ACACB: variants seen among roughly 807,000 people sequenced by gnomAD.
The protein encoded by ACACB is acetyl-CoA carboxylase beta, also known as acetyl-CoA carboxylase 2.
Under a neutral mutation model 278.8 loss-of-function variants are expected in ACACB, and 209 were observed. The observed-to-expected ratio is 0.75, with a 90% CI of 0.67 to 0.84. The LOEUF is 0.84. ACACB is among the 40% of genes least tolerant of loss of function. The pLI is 0.00. For missense variants in ACACB, 2,850 were observed against 3,269.0 expected (o/e 0.87, Z 3.13); for synonymous variants, 1,174 against 1,285.6 (o/e 0.91, Z 1.86).
In ACACB at chr12:109,210,201, A is replaced by ATATATACACATGTGTG. The variant is rs1565927021; in HGVS notation, c.3249+853_3249+854insACACATGTGTGTATAT. 4.4e-4 allele frequency among the ~76,000 whole-genome samples: 6 copies of ATATATACACATGTGTG among 13,584 alleles called. 1 individual carries two copies. The highest frequency in any genetic ancestry group is 1.6e-3 in the East Asian group (1 of 634). The allele number at this position is 13,584 out of a possible 152,430, so 8.9% of individuals were successfully genotyped here. A position where few individuals can be genotyped will look rare whatever the true frequency, so the allele number is the denominator to read the frequency against. Reference sequence around the variant, plus strand: ...TATATATACACACGTGTGTATATGTATATATGTATATATACACACATGTGT... The same window carrying ATATATACACATGTGTG: ...TATATATACACACGTGTGTATATGTATATATACACATGTGTGTATATGTATATATACACACATGTGT... On this transcript the variant is annotated intron_variant, in intron 21 of 52. Coordinates refer to ENST00000338432, the MANE Select transcript of ACACB (RefSeq NM_001093.4).
Position 109,171,984 on chromosome 12 carries a change from C to T in ACACB, c.1035+70C>T. ...GATGCCCCTAGGTTCTAGTTCAATT[C>T]CACAGTTCACAAGGGGTGGAGGGTC... is the stretch of plus-strand genomic sequence containing the variant. On this transcript the variant is annotated intron_variant, in intron 5 of 52. Coordinates refer to ENST00000338432, the MANE Select transcript of ACACB (RefSeq NM_001093.4). 2.3e-6 allele frequency: 3 copies of T among 1,308,314 alleles called. No individual in the cohort carries two copies. In the South Asian group the frequency reaches 3.7e-5, roughly 16 times the overall value. The allele number at this position is 1,308,314 out of a possible 1,614,324, so 81.0% of individuals were successfully genotyped here. A position where few individuals can be genotyped will look rare whatever the true frequency, so the allele number is the denominator to read the frequency against.
At chr12:109,249,325 G>C (rs2047033625) in intron 40 of ACACB, 1 of 152,134 alleles carries the variant, frequency 6.6e-6, no homozygotes, top group African/African-American at 2.4e-5. Flanking sequence ...GGACATAGAG[G>C]AACTACCTGT....
chr12:109,208,578 A>C (rs955369362), intron 20 of ACACB, among the ~76,000 whole-genome samples: 2 of 152,102 alleles, frequency 1.3e-5, no homozygotes, highest in Non-Finnish European at 2.9e-5. Context: ...CCTCACAACC[A>C]CACTAGGATG....
At chr12:109,160,182 G>A (rs1340701126) in intron 2 of ACACB, among the ~76,000 whole-genome samples, 1 of 151,716 alleles carries the variant, frequency 6.6e-6, no homozygotes, top group Non-Finnish European at 1.5e-5. Flanking sequence ...GGCCATATGT[G>A]TAATGCATGT....
At chr12:109,258,011 C>G (rs920908918) in intron 45 of ACACB, among the ~76,000 whole-genome samples, 1 of 152,226 alleles carries the variant, frequency 6.6e-6, no homozygotes, top group Non-Finnish European at 1.5e-5. Context: ...ACAGAAAGTT[C>G]TAGTGGTTCA....
intron 19 of ACACB, among the ~76,000 whole-genome samples, chr12:109,205,653 C>T (rs2045481716): frequency 6.6e-6 from 1 of 151,858 alleles, no homozygotes; most frequent in Admixed American, 6.6e-5. Context: ...GGGGTTTCAC[C>T]ATGTTGGCCA....
At position 109,250,026 on chromosome 12, in the gene ACACB, C is replaced by T. The variant is rs777086074; in HGVS notation, c.5712C>T (p.Gly1904=). ...TCATCGGGAAGGATGATGGCTTGGG[C>T]GTGGAGAATCTGAGGGGCTCAGGCA... ...TDIIGKDDGL[G]VENLRGSGMI... Residue 1904 remains glycine, a synonymous_variant, in exon 41 of 53, where the codon GGC becomes GGT. Transcript: ENST00000338432. 1.9e-6 allele frequency: 3 copies of T among 1,613,422 alleles called. No individual in the cohort carries two copies. Among genetic ancestry groups the T allele is most frequent in the Middle Eastern group, 1.7e-4 (1 of 6,052 alleles).
chr12:109,116,007 G>A (rs201050457), upstream of ACACB, among the ~76,000 whole-genome samples: 16 of 152,314 alleles, frequency 1.1e-4, no homozygotes, highest in Admixed American at 5.9e-4. Flanking sequence ...CCCTCCCCAC[G>A]TTGCAGAACA....
chr12:109,243,194 A>T (rs1208993233), intron 37 of ACACB, among the ~76,000 whole-genome samples: 1 of 152,180 alleles, frequency 6.6e-6, no homozygotes, highest in Non-Finnish European at 1.5e-5. Context: ...GGTCTTTTTA[A>T]TGGTCATTTA....
intron 18 of ACACB, among the ~76,000 whole-genome samples, chr12:109,200,998 G>A (rs2045313610): frequency 6.6e-6 from 1 of 152,144 alleles, no homozygotes; most frequent in African/African-American, 2.4e-5. Context: ...GGCTGACTTG[G>A]GTGCCCAAGC....
At chr12:109,120,853 T>G (rs559556711) in intron 1 of ACACB, among the ~76,000 whole-genome samples, 2 of 152,242 alleles carry the variant, frequency 1.3e-5, no homozygotes. Context: ...CCTCATCTTA[T>G]CATTTTTGTG....
chr12:109,173,176 G>A (rs1165120215), intron 6 of ACACB, among the ~76,000 whole-genome samples: 1 of 152,200 alleles, frequency 6.6e-6, no homozygotes, highest in African/African-American at 2.4e-5. Context: ...AAAGGCGAGA[G>A]GAGGGAGAAA....
chr12:109,205,784 G>A (rs2045485405), intron 19 of ACACB, among the ~76,000 whole-genome samples: 2 of 151,934 alleles, frequency 1.3e-5, no homozygotes, highest in Admixed American at 1.3e-4. Flanking sequence ...AGAAAAGCCT[G>A]CAGGGCTAGG....
Position 109,144,269 on chromosome 12 carries a change from C to T in ACACB, c.653+4211C>T, listed in dbSNP as rs371990976. Among the ~76,000 whole-genome samples the T allele has an allele frequency of 3.3e-5, 5 of 152,030 alleles. 1 individual carries two copies. The highest frequency in any genetic ancestry group is 9.6e-5 in the African/African-American group (4 of 41,482). The stretch of plus-strand genomic sequence containing the variant: ...TGGAGGTTGCAGTGAGCTGAGATCA[C>T]GCCACTACACTCCAGCATGGGCAAC... On this transcript the variant is annotated intron_variant, in intron 2 of 52. Transcript: ENST00000338432.
chr12:109,207,681 A>AC (rs1351379939), intron 20 of ACACB, among the ~76,000 whole-genome samples: 1 of 151,882 alleles, frequency 6.6e-6, no homozygotes, highest in South Asian at 2.1e-4. Context: ...ACCATGTGTC[A>AC]CCCCCCTTTG....
intron 7 of ACACB, among the ~76,000 whole-genome samples, chr12:109,175,463 C>G (rs1262888696): frequency 6.6e-6 from 1 of 151,994 alleles, no homozygotes. Flanking sequence ...TCACCCAGGC[C>G]AAACTGTAGT....
intron 41 of ACACB, 57 bp downstream of exon 41, chr12:109,250,161 A>G: frequency 1.3e-6 from 2 of 1,493,000 alleles, no homozygotes; most frequent in Non-Finnish European, 1.8e-6. Flanking sequence ...AAACTTTAAA[A>G]TTGTCACAAA....
At chr12:109,204,620 C>T (rs888555039) in intron 19 of ACACB, among the ~76,000 whole-genome samples, 1 of 151,866 alleles carries the variant, frequency 6.6e-6, no homozygotes, top group South Asian at 2.1e-4. Flanking sequence ...TTTTTGTACC[C>T]GTTAACCATC....
chr12:109,147,073 T>C (rs1293023276), intron 2 of ACACB, among the ~76,000 whole-genome samples: 2 of 152,262 alleles, frequency 1.3e-5, no homozygotes, highest in East Asian at 3.9e-4. Flanking sequence ...TGCTAGCTCT[T>C]TGCCCATCAG....
Sources: allele counts gnomAD v4.1 joint callset (sites outside exome capture counted in the v4.1 genomes callset), GRCh38; gene constraint gnomAD v4.1.1; transcripts MANE v1.5; gene names NCBI Gene and HGNC (gene_info 2026-07-23, HGNC 2026-07-21).